GALNT14: variants seen among roughly 807,000 people sequenced by gnomAD.
GALNT14 encodes the protein polypeptide N-acetylgalactosaminyltransferase 14, also known as UDP-GalNAc:polypeptide N-acetylgalactosaminyltransferase 14.
Under a neutral mutation model 77.5 loss-of-function variants are expected in GALNT14, and 60 were observed. The ratio of observed to expected loss-of-function variants is 0.77; its 90% confidence interval spans 0.63 to 0.96. GALNT14 has a LOEUF of 0.96. Ranked by LOEUF, GALNT14 falls within the 40% of genes least tolerant of loss-of-function variation. The pLI, the probability that GALNT14 is intolerant of heterozygous loss-of-function variation, is 0.00. For missense variants in GALNT14, 710 were observed against 731.0 expected (o/e 0.97, Z 0.33); for synonymous variants, 280 against 281.7 (o/e 0.99, Z 0.06).
chr2:30,967,813 T>C (rs996239794), intron 2 of GALNT14, among the ~76,000 whole-genome samples: 2 of 152,162 alleles, frequency 1.3e-5, no homozygotes, highest in African/African-American at 4.8e-5. Flanking sequence ...CTGGTTTGAA[T>C]CCCTCCAGCA....
At chr2:30,958,779 A>G (rs1667518030) in intron 3 of GALNT14, among the ~76,000 whole-genome samples, 1 of 152,042 alleles carries the variant, frequency 6.6e-6, no homozygotes, top group African/African-American at 2.4e-5. Flanking sequence ...TGTCACTCAA[A>G]TCACTTTCAC....
chr2:30,958,450 G>C lies in GALNT14; in HGVS notation c.413C>G (p.Thr138Ser). ...LRTIRSVLNR[T>S]PTHLIREIIL... The stretch of plus-strand genomic sequence containing the variant: ...GATTTCCCGGATCAGATGCGTAGGG[G>C]TGCGGTTTAATACACTGCAAGATGG... Residue 138 changes from threonine to serine, a missense_variant, in exon 4 of 15, where the codon ACC (threonine) becomes AGC (serine). By Grantham distance (58) the Thr-to-Ser change is moderately conservative (BLOSUM62 1). Transcript: ENST00000349752. 6.2e-7 allele frequency: 1 copy of C among 1,614,068 alleles called. No individual in the cohort carries two copies. Among genetic ancestry groups the C allele is most frequent in the Non-Finnish European group, 8.5e-7 (1 of 1,179,952 alleles).
chr2:30,899,520 A>G, the GALNT14 span, among the ~76,000 whole-genome samples: 1 of 151,772 alleles, frequency 6.6e-6, no homozygotes, highest in Non-Finnish European at 1.5e-5. Flanking sequence ...GCTCAAATGA[A>G]TAAGGTAACC....
intron 1 of GALNT14, among the ~76,000 whole-genome samples, chr2:31,011,871 C>T (rs1259480231): frequency 2.6e-5 from 4 of 152,166 alleles, no homozygotes; most frequent in South Asian, 2.1e-4. Context: ...GTTCTCTGGA[C>T]GTGCCGCCTG....
intron 13 of GALNT14, among the ~76,000 whole-genome samples, chr2:30,918,481 C>T (rs1400721643): frequency 6.6e-6 from 1 of 152,222 alleles, no homozygotes; most frequent in Non-Finnish European, 1.5e-5. Flanking sequence ...GCTGTGTTCA[C>T]GATGGTGACC....
intron 1 of GALNT14, among the ~76,000 whole-genome samples, chr2:31,019,167 C>A (rs1243810595): frequency 6.6e-6 from 1 of 152,176 alleles, no homozygotes; most frequent in East Asian, 1.9e-4. Context: ...ATATGTCTCA[C>A]TTCTGGGACA....
At chr2:30,966,044 A>C (rs547450781) in intron 3 of GALNT14, among the ~76,000 whole-genome samples, 160 bp downstream of exon 3, 74 of 152,324 alleles carry the variant, frequency 4.9e-4, no homozygotes, top group Non-Finnish European at 6.3e-4. Flanking sequence ...CAGGAATGTG[A>C]GGAGTGACTG....
chr2:30,938,096 T>C (rs1666159882), intron 9 of GALNT14, among the ~76,000 whole-genome samples: 1 of 147,440 alleles, frequency 6.8e-6, no homozygotes, highest in Non-Finnish European at 1.5e-5. Context: ...CATAGCCTGG[T>C]GTCCCTGACT....
chr2:30,902,359 C>A, the GALNT14 span, among the ~76,000 whole-genome samples: 1 of 152,176 alleles, frequency 6.6e-6, no homozygotes, highest in African/African-American at 2.4e-5. Context: ...GAGTTTTGAA[C>A]CTCCATTTTC....
In GALNT14 at chr2:31,054,500, A is replaced by G. The variant is rs150529634; in HGVS notation, c.130-61493T>C. Among the ~76,000 whole-genome samples the G allele has an allele frequency of 2.5e-3, 388 of 152,274 alleles. 2 individuals carry two copies. Among genetic ancestry groups the G allele is most frequent in the African/African-American group, 8.1e-3 (337 of 41,540 alleles). On this transcript the variant is annotated intron_variant, in intron 1 of 14. Transcript: ENST00000349752. ...TTCATCTGTCCTCCACTGAGAGCAG[A>G]TTCTTGTCCATCATATTCAACCCCA...
intron 1 of GALNT14, among the ~76,000 whole-genome samples, chr2:31,045,419 G>A (rs953874377): frequency 5.3e-5 from 8 of 152,090 alleles, no homozygotes; most frequent in African/African-American, 1.9e-4. Flanking sequence ...AGATAAGGAT[G>A]GACCCAGGAG....
intron 1 of GALNT14, among the ~76,000 whole-genome samples, chr2:31,009,790 A>G (rs1015230225): frequency 1.3e-5 from 2 of 152,096 alleles, no homozygotes; most frequent in African/African-American, 4.8e-5. Flanking sequence ...CTTCTTCCTC[A>G]TTCTAAATCT....
intron 1 of GALNT14, chr2:31,065,255 C>T (rs1173305809): frequency 1.3e-5 from 2 of 152,202 alleles, no homozygotes; most frequent in Non-Finnish European, 1.5e-5. Context: ...GTTTCACACT[C>T]TTGCCTCAAG....
intron 1 of GALNT14, among the ~76,000 whole-genome samples, chr2:31,021,271 G>A (rs917927563): frequency 1.3e-5 from 2 of 152,094 alleles, no homozygotes; most frequent in African/African-American, 4.8e-5. Flanking sequence ...TGTGGGTTAA[G>A]TCTGGCCTGC....
intron 1 of GALNT14, among the ~76,000 whole-genome samples, chr2:31,137,621 A>G (rs900585657): frequency 2.0e-5 from 3 of 151,938 alleles, no homozygotes; most frequent in African/African-American, 7.2e-5. Flanking sequence ...ACTCTCTGGC[A>G]GCGCCCGGAG....
intron 1 of GALNT14, among the ~76,000 whole-genome samples, chr2:31,046,520 G>A (rs76825197): frequency 0.017 from 2,641 of 152,220 alleles, 69 homozygotes; most frequent in African/African-American, 0.061. Flanking sequence ...GAGCCACCGC[G>A]CGTGGCCTGG....
At chr2:31,010,278 G>A (rs1478780266) in intron 1 of GALNT14, among the ~76,000 whole-genome samples, 2 of 152,128 alleles carry the variant, frequency 1.3e-5, no homozygotes, top group Non-Finnish European at 2.9e-5. Context: ...GTGAACCACT[G>A]CGCCTGGCCC....
chr2:30,913,901 C>T (rs1274428431), intron 13 of GALNT14, among the ~76,000 whole-genome samples: 2 of 152,116 alleles, frequency 1.3e-5, no homozygotes, highest in African/African-American at 4.8e-5. Flanking sequence ...TTGAAATTTT[C>T]TATAATAAAA....
Position 31,124,004 on chromosome 2 carries a change from C to T in GALNT14, c.129+13954G>A, listed in dbSNP as rs535079926. ...TCAGAAGTGGTGAGGGAGGGGCCAG[C>T]AGAGAGCCACTGCTACACACTCCAC... On this transcript the variant is annotated intron_variant, in intron 1 of 14. Coordinates refer to ENST00000349752, the MANE Select transcript of GALNT14 (RefSeq NM_024572.4). Among the ~76,000 whole-genome samples the T allele has an allele frequency of 2.0e-5, 3 of 152,188 alleles. No homozygotes were observed. In the East Asian group the frequency reaches 5.8e-4, roughly 29 times the overall value.
Sources: allele counts gnomAD v4.1 joint callset (sites outside exome capture counted in the v4.1 genomes callset), GRCh38; gene constraint gnomAD v4.1.1; transcripts MANE v1.5; gene names NCBI Gene and HGNC (gene_info 2026-07-23, HGNC 2026-07-21).